SPAG16: variants seen among roughly 807,000 people sequenced by gnomAD.
SPAG16 encodes the protein sperm-associated antigen 16 protein.
A neutral mutation model predicts 80.4 loss-of-function variants in SPAG16; 86 were observed. The ratio of observed to expected loss-of-function variants is 1.07; its 90% CI spans 0.90 to 1.28. The LOEUF (loss-of-function observed/expected upper bound fraction) is 1.28. Ranked by LOEUF, SPAG16 falls within the 50% of genes most tolerant of loss-of-function variation. The pLI is 0.00. For missense variants in SPAG16, 870 were observed against 765.3 expected (o/e 1.14, Z -1.61); for synonymous variants, 294 against 265.9 (o/e 1.11, Z -1.03).
At chr2:213,656,550 A>G (rs1285265306) in intron 10 of SPAG16, among the ~76,000 whole-genome samples, 1 of 152,204 alleles carries the variant, frequency 6.6e-6, no homozygotes, top group Non-Finnish European at 1.5e-5. Context: ...CAGGCCATGT[A>G]GTACTCATGA....
intron 9 of SPAG16, among the ~76,000 whole-genome samples, chr2:213,428,134 A>G (rs778712066): frequency 2.6e-5 from 4 of 152,238 alleles, no homozygotes; most frequent in Non-Finnish European, 5.9e-5. Flanking sequence ...CAGGAATTCA[A>G]CATAAAGTGA....
chr2:213,690,175 C>T (rs1223523694), intron 10 of SPAG16, among the ~76,000 whole-genome samples: 3 of 152,064 alleles, frequency 2.0e-5, no homozygotes, highest in South Asian at 4.1e-4. Context: ...ATATTTGCCT[C>T]GTTAACAAAC....
At chr2:214,030,053 G>A (rs549825874) in intron 13 of SPAG16, among the ~76,000 whole-genome samples, 1 of 152,122 alleles carries the variant, frequency 6.6e-6, no homozygotes, top group Admixed American at 6.5e-5. Flanking sequence ...GTTAACTTTA[G>A]GCACTCTTGT....
At chr2:214,331,751 C>G (rs1360587053) in intron 15 of SPAG16, among the ~76,000 whole-genome samples, 1 of 152,174 alleles carries the variant, frequency 6.6e-6, no homozygotes, top group African/African-American at 2.4e-5. Flanking sequence ...GAGCACATTT[C>G]TACATCTGCT....
At chr2:213,292,481 G>T (rs1049507945) in intron 1 of SPAG16, among the ~76,000 whole-genome samples, 2 of 151,320 alleles carry the variant, frequency 1.3e-5, no homozygotes, top group Non-Finnish European at 2.9e-5. Flanking sequence ...CGGCTAAAAC[G>T]GTGAAACCCC....
At position 213,978,420 on chromosome 2, in the gene SPAG16, G is replaced by A. The variant is rs753991094; in HGVS notation, c.1401-35531G>A. On this transcript the variant is annotated intron_variant, in intron 12 of 15. Transcript: ENST00000331683. ...ACTGTTCACAGGCAGCCTCCTCAAC[G>A]TCAAAACTTTTGCTAACAGTCTGTT... is the stretch of plus-strand genomic sequence containing the variant. Among the ~76,000 whole-genome samples, 42 of 151,976 alleles carry A rather than the reference G, an allele frequency of 2.8e-4. No homozygotes were observed. In the Middle Eastern group the frequency reaches 0.01, roughly 37 times the overall value.
intron 13 of SPAG16, among the ~76,000 whole-genome samples, chr2:214,102,275 A>G (rs1163831375): frequency 4.6e-5 from 7 of 152,112 alleles, no homozygotes; most frequent in Admixed American, 4.6e-4. Flanking sequence ...TTTTAGAGGC[A>G]GGAGACTACA....
intron 11 of SPAG16, among the ~76,000 whole-genome samples, chr2:213,884,537 C>A (rs1559551628): frequency 6.6e-6 from 1 of 152,114 alleles, no homozygotes; most frequent in Non-Finnish European, 1.5e-5. Context: ...TGCATGTCAA[C>A]CTCTTTAGTG....
At chr2:213,739,137 C>T (rs1320303861) in intron 10 of SPAG16, among the ~76,000 whole-genome samples, 1 of 152,076 alleles carries the variant, frequency 6.6e-6, no homozygotes, top group Non-Finnish European at 1.5e-5. Flanking sequence ...TTATTATTAT[C>T]CTAGTAGCAA....
intron 12 of SPAG16, among the ~76,000 whole-genome samples, chr2:214,009,732 A>C (rs58561514): frequency 6.6e-6 from 1 of 152,120 alleles, no homozygotes; most frequent in Admixed American, 6.5e-5. Flanking sequence ...CACGTCAGGG[A>C]TTGGGTCAAC....
intron 13 of SPAG16, among the ~76,000 whole-genome samples, chr2:214,054,898 A>G (rs1255865962): frequency 6.6e-6 from 1 of 152,194 alleles, no homozygotes; most frequent in African/African-American, 2.4e-5. Context: ...AGCTGAAAAT[A>G]ATTTGTCCCA....
intron 13 of SPAG16, among the ~76,000 whole-genome samples, chr2:214,017,233 A>G (rs924318330): frequency 6.6e-6 from 1 of 152,180 alleles, no homozygotes; most frequent in Non-Finnish European, 1.5e-5. Context: ...AGGTCCGACA[A>G]TCTCCTCCTT....
In SPAG16 at chr2:214,410,108, T is replaced by TTC. The variant is rs199777155; in HGVS notation, c.1721-19_1721-18dup. The TTC allele has an allele frequency of 5.9e-5, 94 of 1,597,512 alleles. 1 individual carries two copies. The African/African-American group carries it at 6.0e-4, about 10-fold the overall frequency. ...ACACTTGAAATAAAACTTTGATTCA[T>TTC]TCTCTCTCTCTCTCCTCTCTGTCTC... On this transcript the variant is annotated intron_variant, in intron 15 of 15. Coordinates refer to ENST00000331683, the MANE Select transcript of SPAG16 (RefSeq NM_024532.5).
intron 7 of SPAG16, among the ~76,000 whole-genome samples, chr2:213,358,270 G>A (rs1055485878): frequency 7.2e-5 from 11 of 152,150 alleles, no homozygotes; most frequent in African/African-American, 2.7e-4. Flanking sequence ...CCTTTATGGT[G>A]TTCTCTGTAT....
At chr2:213,939,075 G>C (rs2079100989) in intron 12 of SPAG16, among the ~76,000 whole-genome samples, 1 of 152,210 alleles carries the variant, frequency 6.6e-6, no homozygotes, top group South Asian at 2.1e-4. Context: ...TCTAGAATGA[G>C]CCATGAGGGA....
intron 13 of SPAG16, among the ~76,000 whole-genome samples, chr2:214,019,114 T>G (rs2124994161): frequency 6.6e-6 from 1 of 152,250 alleles, no homozygotes; most frequent in East Asian, 1.9e-4. Context: ...GATTGCTTTA[T>G]TGTCAGAAAG....
At chr2:213,927,875 A>G (rs990398545) in intron 11 of SPAG16, among the ~76,000 whole-genome samples, 1 of 152,220 alleles carries the variant, frequency 6.6e-6, no homozygotes, top group Non-Finnish European at 1.5e-5. Context: ...TTGAGAAAGA[A>G]GCATGCTTAA....
At chr2:214,322,241 A>G (rs891677532) in intron 15 of SPAG16, among the ~76,000 whole-genome samples, 2 of 152,142 alleles carry the variant, frequency 1.3e-5, no homozygotes, top group Non-Finnish European at 1.5e-5. Context: ...AAATATACCA[A>G]CATTTCCTCC....
chr2:213,466,580 C>A (rs1255755304), intron 9 of SPAG16, among the ~76,000 whole-genome samples: 1 of 152,076 alleles, frequency 6.6e-6, no homozygotes, highest in Non-Finnish European at 1.5e-5. Context: ...GGGCTTAATC[C>A]TTTATTCACC....
Sources: allele counts gnomAD v4.1 joint callset (sites outside exome capture counted in the v4.1 genomes callset), GRCh38; gene constraint gnomAD v4.1.1; transcripts MANE v1.5; gene names NCBI Gene and HGNC (gene_info 2026-07-23, HGNC 2026-07-21).